PIEZO2: variants seen among roughly 807,000 people sequenced by gnomAD.
PIEZO2 encodes piezo type mechanosensitive ion channel component 2.
PIEZO2 carries 172 observed loss-of-function variants against 337.3 expected under a neutral mutation model. The ratio of observed to expected loss-of-function variants is 0.51; its 90% CI spans 0.45 to 0.58. The LOEUF (loss-of-function observed/expected upper bound fraction) is 0.58. Among genes scored for constraint, PIEZO2 ranks in the 20% least tolerant of loss-of-function variants. PIEZO2 has a pLI of 0.00. For synonymous variants in PIEZO2, 1,251 were observed against 1,228.5 expected (o/e 1.02, Z -0.38); for missense variants, 3,028 against 3,391.3 (o/e 0.89, Z 2.66).
At chr18:10,722,070 G>T (rs114979148) in intron 36 of PIEZO2, among the ~76,000 whole-genome samples, 2,142 of 150,018 alleles carry the variant, frequency 0.014, 45 homozygotes, top group African/African-American at 0.047. Context: ...AGAATTGCTT[G>T]AACTCGGGAG....
At position 11,032,704 on chromosome 18, in the gene PIEZO2, T is replaced by TA. The variant is rs1342050370; in HGVS notation, c.160+33422dup. Among the ~76,000 whole-genome samples the TA allele has an allele frequency of 6.6e-6, 1 of 152,252 alleles. No homozygotes were observed. Among genetic ancestry groups the TA allele is most frequent in the African/African-American group, 2.4e-5 (1 of 41,478 alleles). Reference sequence around the variant, plus strand: ...CTGTTCACAGTAGCAGAAATCTCTCTATGCATGTGTGTGTGTGAATATGTG... The same window carrying TA: ...CTGTTCACAGTAGCAGAAATCTCTCTAATGCATGTGTGTGTGTGAATATGTG... On this transcript the variant is annotated intron_variant, in intron 2 of 55. Transcript: ENST00000674853. This position sits in a 1 kb window ranked among gnomAD's most constrained non-coding sequence, Gnocchi z 4.9.
chr18:10,705,643 C>T lies in PIEZO2; in HGVS notation c.5692G>A (p.Glu1898Lys). 1 of 1,537,172 alleles carries T rather than the reference C, an allele frequency of 6.5e-7. No individual in the cohort carries two copies. The change falls in exon 41 of 56, where the codon GAG (glutamate) becomes AAG (lysine). Residue 1898 changes from glutamate to lysine, a missense_variant. Coordinates refer to ENST00000674853, the MANE Select transcript of PIEZO2 (RefSeq NM_001378183.1). ...TCGTACTCCTTGGCCTCCCTGGGCT[C>T]AGGCGCCGTGCTCCCTGCCTCCTCC... ...QEEEAGSTAPEPREAKEYEAT... is the reference protein window; with the variant it reads ...QEEEAGSTAPKPREAKEYEAT...
Position 10,953,226 on chromosome 18 carries a change from CAGA to C in PIEZO2, c.286+26306_286+26308del. 6.6e-6 allele frequency among the ~76,000 whole-genome samples: 1 copy of C among 152,070 alleles called. No homozygotes were observed. The highest frequency in any genetic ancestry group is 6.5e-5 in the Admixed American group (1 of 15,270). On this transcript the variant is annotated intron_variant, in intron 3 of 55. Coordinates refer to ENST00000674853, the MANE Select transcript of PIEZO2 (RefSeq NM_001378183.1). The surrounding 1 kb of genome is among the most constrained non-coding windows in gnomAD (Gnocchi z 5.2). ...TGTATTAACACTGGATTTTGAAGAG[CAGA>C]AGTTCTTCATTTTGATGAAGTGTAA... is the stretch of plus-strand genomic sequence containing the variant.
At chr18:10,699,238 T>C (rs1336146445) in intron 43 of PIEZO2, 61 bp from the exon 44 acceptor site, 2 of 1,523,094 alleles carry the variant, frequency 1.3e-6, no homozygotes, top group Non-Finnish European at 1.8e-6. Flanking sequence ...CTTGGTATTC[T>C]GTCTTACAAA....
chr18:10,733,393 A>G (rs1395690987), intron 35 of PIEZO2, among the ~76,000 whole-genome samples: 1 of 152,030 alleles, frequency 6.6e-6, no homozygotes, highest in Non-Finnish European at 1.5e-5. Context: ...GAGGAGGGGG[A>G]AACGTCCCAA....
chr18:10,728,971 A>C (rs1004515778), intron 36 of PIEZO2, among the ~76,000 whole-genome samples: 5 of 148,292 alleles, frequency 3.4e-5, no homozygotes, highest in Middle Eastern at 3.5e-3. Context: ...AAAAAAAAAA[A>C]AAACAAAAAC....
rs552003276 is a variant in PIEZO2 at position 11,014,929 on chromosome 18, G to A, written c.161-35269C>T. On this transcript the variant is annotated intron_variant, in intron 2 of 55. Coordinates refer to ENST00000674853, the MANE Select transcript of PIEZO2 (RefSeq NM_001378183.1). The stretch of plus-strand genomic sequence containing the variant: ...CACCCTGGGTGGGACAGCGATCCGG[G>A]GCCCCCCTCATTCCTCAGCGGGGAA... 3.7e-5 allele frequency among the ~76,000 whole-genome samples: 5 copies of A among 134,238 alleles called. 1 individual carries two copies. The South Asian group carries it at 1.2e-3, about 33-fold the overall frequency. 88.1% of individuals were successfully genotyped at this position (134,238 alleles called of 152,430 possible). A position where few individuals can be genotyped will look rare whatever the true frequency, so the allele number is the denominator to read the frequency against.
chr18:11,117,102 T>TC (rs1027389882), intron 1 of PIEZO2, among the ~76,000 whole-genome samples: 8 of 151,400 alleles, frequency 5.3e-5, no homozygotes, highest in Admixed American at 3.3e-4. Flanking sequence ...CAAGATTCTG[T>TC]CCCCCCCACA....
chr18:11,107,946 G>A (rs1045183103), intron 1 of PIEZO2, among the ~76,000 whole-genome samples: 1 of 152,114 alleles, frequency 6.6e-6, no homozygotes, highest in African/African-American at 2.4e-5. Context: ...ATATTCACTG[G>A]TTCTGACTTT....
chr18:10,946,890 A>C (rs2145287149), intron 3 of PIEZO2, among the ~76,000 whole-genome samples: 1 of 152,302 alleles, frequency 6.6e-6, no homozygotes, highest in African/African-American at 2.4e-5. Context: ...ACCAACCCTA[A>C]GATAAATCAG....
chr18:11,122,076 C>T (rs548228577), intron 1 of PIEZO2, among the ~76,000 whole-genome samples: 1 of 152,170 alleles, frequency 6.6e-6, no homozygotes, highest in Admixed American at 6.5e-5. Context: ...GCCTCAGCCT[C>T]CCCGGCAGCT....
chr18:10,958,040 G>A (rs1047026492), intron 3 of PIEZO2, among the ~76,000 whole-genome samples: 2 of 152,164 alleles, frequency 1.3e-5, no homozygotes, highest in South Asian at 2.1e-4. Context: ...GTGGAGGAAA[G>A]GGAACACTTA....
At position 10,903,031 on chromosome 18, in the gene PIEZO2, G is replaced by T. The variant is rs143440262; in HGVS notation, c.329+8155C>A. Among the ~76,000 whole-genome samples, 1,042 of 152,272 alleles carry T rather than the reference G, an allele frequency of 6.8e-3. 6 individuals carry two copies. Among genetic ancestry groups the T allele is most frequent in the Admixed American group, 0.011 (166 of 15,294 alleles). On this transcript the variant is annotated intron_variant, in intron 4 of 55. Coordinates refer to ENST00000674853, the MANE Select transcript of PIEZO2 (RefSeq NM_001378183.1). This position sits in a 1 kb window ranked among gnomAD's most constrained non-coding sequence, Gnocchi z 4.1. ...AGGGCTTTTATCCCCAGCCTTTCCA[G>T]GCTGCCCCGGGGAGACAGCAGCTAT...
intron 9 of PIEZO2, among the ~76,000 whole-genome samples, chr18:10,803,148 T>C (rs1271959374): frequency 6.6e-6 from 1 of 152,162 alleles, no homozygotes; most frequent in Non-Finnish European, 1.5e-5. Flanking sequence ...TGGCATATCA[T>C]GCACCCCGAC....
At position 11,075,569 on chromosome 18, in the gene PIEZO2, G is replaced by A. The variant is rs191072934; in HGVS notation, c.65-9347C>T. ...CCTCTCCCCCTCTAGTCTCACCTCC[G>A]TGCCCACTGGCGGTCTTGTCCCAGG... is the stretch of plus-strand genomic sequence containing the variant. On this transcript the variant is annotated intron_variant, in intron 1 of 55. Transcript: ENST00000674853. 4.6e-3 allele frequency among the ~76,000 whole-genome samples: 697 copies of A among 152,224 alleles called. 3 individuals are homozygous for A. The highest frequency in any genetic ancestry group is 7.1e-3 in the Non-Finnish European group (480 of 68,012).
At position 11,070,885 on chromosome 18, in the gene PIEZO2, C is replaced by T. The variant is rs1422029657; in HGVS notation, c.65-4663G>A. ...CAGGCTGAGGGGACACATCAGGATG[C>T]GAGTGGCGGGTACCCAGACAGGAAG... On this transcript the variant is annotated intron_variant, in intron 1 of 55. Coordinates refer to ENST00000674853, the MANE Select transcript of PIEZO2 (RefSeq NM_001378183.1). The surrounding 1 kb of genome is among the most constrained non-coding windows in gnomAD (Gnocchi z 4.3). Among the ~76,000 whole-genome samples the T allele has an allele frequency of 2.0e-5, 3 of 152,052 alleles. No homozygotes were observed. The highest frequency in any genetic ancestry group is 2.9e-5 in the Non-Finnish European group (2 of 68,020).
chr18:10,692,711 T>C (rs1282301539), intron 47 of PIEZO2, among the ~76,000 whole-genome samples: 3 of 152,254 alleles, frequency 2.0e-5, no homozygotes, highest in African/African-American at 7.2e-5. Flanking sequence ...CTCTGTTCTG[T>C]TCCATTGTTC....
rs9955797 is a variant in PIEZO2 at position 10,906,918 on chromosome 18, G to A, written c.329+4268C>T. ...CTTCCTGAGCCCATGGCCGTGTGGT[G>A]CCTGAGTACTGTGAGATGTAGTGAC... On this transcript the variant is annotated intron_variant, in intron 4 of 55. Transcript: ENST00000674853. Among the ~76,000 whole-genome samples the A allele has an allele frequency of 5.9e-3, 892 of 152,212 alleles. 10 individuals are homozygous for A. The highest frequency in any genetic ancestry group is 0.02 in the African/African-American group (850 of 41,540).
intron 3 of PIEZO2, among the ~76,000 whole-genome samples, chr18:10,941,580 C>A (rs1206546890): frequency 1.3e-5 from 2 of 152,126 alleles, no homozygotes; most frequent in Non-Finnish European, 2.9e-5. Flanking sequence ...AAAAGGAATA[C>A]GTTTTCATTC....
Sources: gnomAD v4.1 joint callset for allele counts (sites outside exome capture counted in the v4.1 genomes callset) on GRCh38, gnomAD v4.1.1 for gene constraint, Gnocchi (gnomAD v3.1) non-coding constraint, MANE v1.5 for transcripts, NCBI Gene and HGNC (gene_info 2026-07-23, HGNC 2026-07-21) for gene names.